SPATA17: variants seen among roughly 807,000 people sequenced by gnomAD.
The protein encoded by SPATA17 is spermatogenesis associated 17.
In SPATA17, 53 loss-of-function variants were observed where a neutral mutation model predicts 62.2. That is an observed-to-expected ratio of 0.85 (90% CI 0.68 to 1.07). SPATA17 has a LOEUF of 1.07. SPATA17 is among the 50% of genes least tolerant of loss of function. The pLI is 0.00. For missense variants in SPATA17, 466 were observed against 425.5 expected, an observed-to-expected ratio of 1.10 and a Z score of -0.84; for synonymous variants, 146 against 146.8, an observed-to-expected ratio of 0.99 and a Z score of 0.04.
At position 217,641,617 on chromosome 1, in the gene SPATA17, G is replaced by A. The variant is rs540164823; in HGVS notation, c.69-7265G>A. ...ATCTGAAATTTAAAAATTATTAGAT[G>A]CATACACATACACATATATATTTAA... is the stretch of plus-strand genomic sequence containing the variant. On this transcript the variant is annotated intron_variant, in intron 1 of 10. Transcript: ENST00000366933. Among the ~76,000 whole-genome samples, 49 of 152,206 alleles carry A rather than the reference G, an allele frequency of 3.2e-4. 1 individual carries two copies. Among genetic ancestry groups the A allele is most frequent in the Middle Eastern group, 6.8e-3 (2 of 294 alleles).
At chr1:217,799,909 T>C (rs1261365504) in intron 8 of SPATA17, among the ~76,000 whole-genome samples, 1 of 152,032 alleles carries the variant, frequency 6.6e-6, no homozygotes. Context: ...CTCAGGAGAA[T>C]ATTTTATTTT....
At chr1:217,759,284 C>A (rs1234841959) in intron 6 of SPATA17, among the ~76,000 whole-genome samples, 1 of 152,074 alleles carries the variant, frequency 6.6e-6, no homozygotes, top group Non-Finnish European at 1.5e-5. Context: ...CTTGGCAAAA[C>A]CCCGTCTCTA....
chr1:217,763,593 T>C (rs1024273040), intron 6 of SPATA17, among the ~76,000 whole-genome samples: 3 of 152,246 alleles, frequency 2.0e-5, no homozygotes, highest in African/African-American at 7.2e-5. Flanking sequence ...AGCTTTTTAT[T>C]AAGGAACTAA....
intron 5 of SPATA17, among the ~76,000 whole-genome samples, chr1:217,697,738 A>G (rs907031901): frequency 9.9e-5 from 15 of 152,158 alleles, no homozygotes; most frequent in Admixed American, 5.9e-4. Context: ...TTTGAACAAC[A>G]AAAATCTTTA....
intron 9 of SPATA17, among the ~76,000 whole-genome samples, chr1:217,827,409 T>C (rs1420460101): frequency 2.0e-5 from 3 of 151,726 alleles, no homozygotes. Flanking sequence ...GAAATAGGAA[T>C]GCTTTTACAC....
At chr1:217,808,212 CA>C (rs1674488906) in intron 9 of SPATA17, among the ~76,000 whole-genome samples, 1 of 152,176 alleles carries the variant, frequency 6.6e-6, no homozygotes, top group African/African-American at 2.4e-5. Flanking sequence ...AAGTGTTGTA[CA>C]AGTGCCTGCC....
At chr1:217,832,210 C>T (rs1675159232) in intron 9 of SPATA17, among the ~76,000 whole-genome samples, 1 of 151,866 alleles carries the variant, frequency 6.6e-6, no homozygotes, top group African/African-American at 2.4e-5. Context: ...TACAAAATAC[C>T]ACATATAAAA....
intron 5 of SPATA17, among the ~76,000 whole-genome samples, chr1:217,702,574 T>A (rs1253687116): frequency 6.6e-6 from 1 of 152,238 alleles, no homozygotes; most frequent in Admixed American, 6.5e-5. Context: ...ACTTTATTTT[T>A]AAATTTGTTC....
At chr1:217,718,107 T>A (rs1383149256) in intron 5 of SPATA17, among the ~76,000 whole-genome samples, 1 of 152,172 alleles carries the variant, frequency 6.6e-6, no homozygotes, top group Non-Finnish European at 1.5e-5. Flanking sequence ...AAAACAACTC[T>A]CCTCTCCCCC....
At chr1:217,662,865 A>T (rs1403858492) in intron 3 of SPATA17, among the ~76,000 whole-genome samples, 2 of 152,170 alleles carry the variant, frequency 1.3e-5, no homozygotes, top group African/African-American at 4.8e-5. Flanking sequence ...AGGACTTCCA[A>T]ATCAGTTATA....
intron 9 of SPATA17, among the ~76,000 whole-genome samples, chr1:217,846,507 G>A (rs1179328073): frequency 6.6e-6 from 1 of 151,998 alleles, no homozygotes; most frequent in African/African-American, 2.4e-5. Context: ...TAATAAAGAT[G>A]CTATGAATTA....
chr1:217,649,071 A>G (rs1024583759), intron 2 of SPATA17, 100 bp downstream of exon 2: 2 of 745,928 alleles, frequency 2.7e-6, no homozygotes, highest in Non-Finnish European at 4.2e-6. Context: ...ATAATTTTTT[A>G]TTTTACTCAT....
At chr1:217,754,171 G>C (rs1672983755) in intron 6 of SPATA17, among the ~76,000 whole-genome samples, 1 of 152,050 alleles carries the variant, frequency 6.6e-6, no homozygotes, top group Non-Finnish European at 1.5e-5. Flanking sequence ...GGAGGTCGAG[G>C]CTGCAGTGAG....
In SPATA17 at chr1:217,868,044, A is replaced by G. The variant is rs1161024009; in HGVS notation, c.*1025A>G. 1 of 152,208 alleles carries G rather than the reference A, an allele frequency of 6.6e-6. No individual in the cohort carries two copies. Among genetic ancestry groups the G allele is most frequent in the African/African-American group, 2.4e-5 (1 of 41,464 alleles). The allele number at this position is 152,208 out of a possible 1,614,324, so 9.4% of individuals were successfully genotyped here. On this transcript the variant is annotated 3_prime_UTR_variant, in exon 11 of 11. Transcript: ENST00000366933. ...AAATAAATTACAAAACTGAGGGGAAAAAAAGGAACCTATTAAAAAGACATT... is the reference window on the plus strand; with the variant it reads ...AAATAAATTACAAAACTGAGGGGAAGAAAAGGAACCTATTAAAAAGACATT...
intron 6 of SPATA17, among the ~76,000 whole-genome samples, chr1:217,755,961 T>G (rs985739603): frequency 6.6e-6 from 1 of 152,114 alleles, no homozygotes; most frequent in Non-Finnish European, 1.5e-5. Flanking sequence ...TTATTCCCTT[T>G]TCCCCCTTCT....
Position 217,641,023 on chromosome 1 carries a change from T to C in SPATA17, c.69-7859T>C, listed in dbSNP as rs150688592. 3.3e-3 allele frequency among the ~76,000 whole-genome samples: 503 copies of C among 152,188 alleles called. 5 individuals are homozygous for C. Among genetic ancestry groups the C allele is most frequent in the African/African-American group, 0.012 (482 of 41,554 alleles). ...GAGCATCGGTTAATCAGGTACTTAT[T>C]TGTGAAATAAACAGTAGATAAATGG... On this transcript the variant is annotated intron_variant, in intron 1 of 10. Coordinates refer to ENST00000366933, the MANE Select transcript of SPATA17 (RefSeq NM_138796.4).
chr1:217,775,493 A>T (rs903009524), intron 7 of SPATA17, among the ~76,000 whole-genome samples: 10 of 152,026 alleles, frequency 6.6e-5, no homozygotes, highest in Admixed American at 5.9e-4. Context: ...TCACAAGGTC[A>T]AGAGATCAAG....
chr1:217,848,858 T>C (rs1675584604), intron 9 of SPATA17, among the ~76,000 whole-genome samples: 1 of 152,146 alleles, frequency 6.6e-6, no homozygotes, highest in South Asian at 2.1e-4. Flanking sequence ...TCTTTTTGAA[T>C]TTTATATTCC....
chr1:217,822,614 T>C (rs1377519156), intron 9 of SPATA17, among the ~76,000 whole-genome samples: 1 of 148,448 alleles, frequency 6.7e-6, no homozygotes, highest in Non-Finnish European at 1.5e-5. Context: ...ATATATGATA[T>C]ATAATGATAT....
Sources: allele counts gnomAD v4.1 joint callset (sites outside exome capture counted in the v4.1 genomes callset), GRCh38; gene constraint gnomAD v4.1.1; transcripts MANE v1.5; gene names NCBI Gene and HGNC (gene_info 2026-07-23, HGNC 2026-07-21).